The following SH3RF3 variants were observed in gnomAD, a reference collection of about 807,000 sequenced individuals.
SH3RF3 encodes the protein E3 ubiquitin-protein ligase SH3RF3.
A neutral mutation model predicts 66.3 loss-of-function variants in SH3RF3; 29 were observed. That is an observed-to-expected ratio of 0.44 (90% CI 0.33 to 0.60). The LOEUF (loss-of-function observed/expected upper bound fraction) is 0.60, where lower values mean the gene tolerates loss of function less well. Among genes scored for constraint, SH3RF3 ranks in the 20% least tolerant of loss-of-function variants. The probability of loss-of-function intolerance (pLI) is 0.04; values close to 1 mark genes in which losing one functional copy is unlikely to be tolerated. For missense variants in SH3RF3, 1,194 were observed against 1,190.9 expected, an observed-to-expected ratio of 1.00 and a Z score of -0.04; for synonymous variants, 583 against 532.0, an observed-to-expected ratio of 1.10 and a Z score of -1.32.
At chr2:109,497,597 G>A (rs1347119174) in intron 9 of SH3RF3, among the ~76,000 whole-genome samples, 1 of 152,190 alleles carries the variant, frequency 6.6e-6, no homozygotes, top group Non-Finnish European at 1.5e-5. Flanking sequence ...GTCATCCTCA[G>A]CTGCTGACAC....
chr2:109,337,075 G>A (rs779317273), intron 1 of SH3RF3, among the ~76,000 whole-genome samples: 5 of 152,218 alleles, frequency 3.3e-5, no homozygotes, highest in Admixed American at 6.5e-5. Flanking sequence ...ACCGTATTTA[G>A]TATCCTAAAT....
At chr2:109,431,812 A>C (rs1421483904) in intron 5 of SH3RF3, among the ~76,000 whole-genome samples, 1 of 152,148 alleles carries the variant, frequency 6.6e-6, no homozygotes, top group African/African-American at 2.4e-5. Flanking sequence ...TTGAGGCTGC[A>C]GTGAGCTATG....
At chr2:109,456,222 G>A (rs902334924) in intron 8 of SH3RF3, among the ~76,000 whole-genome samples, 8 of 152,194 alleles carry the variant, frequency 5.3e-5, no homozygotes, top group African/African-American at 1.2e-4. Flanking sequence ...TGGCACTGGC[G>A]TTGGCTGGGC....
chr2:109,477,972 C>A (rs1396218786), intron 8 of SH3RF3, among the ~76,000 whole-genome samples: 1 of 152,196 alleles, frequency 6.6e-6, no homozygotes, highest in African/African-American at 2.4e-5. Context: ...AGGGTTCCCG[C>A]AAGGGCCTCC....
intron 1 of SH3RF3, among the ~76,000 whole-genome samples, chr2:109,295,482 G>T (rs1345153674): frequency 6.6e-6 from 1 of 152,232 alleles, no homozygotes; most frequent in South Asian, 2.1e-4. Flanking sequence ...GGTGAGGCTG[G>T]GAAAGGAAGC....
intron 1 of SH3RF3, among the ~76,000 whole-genome samples, chr2:109,293,993 G>C (rs2105373870): frequency 6.6e-6 from 1 of 152,300 alleles, no homozygotes; most frequent in Non-Finnish European, 1.5e-5. Flanking sequence ...AGGGGGCAGT[G>C]CTTGGCCGAG....
chr2:109,501,992 C>T lies in SH3RF3; in HGVS notation c.*321C>T, dbSNP rs1380757794. ...TGGCTGTGGTTTGCAGCCATGGCAG[C>T]GTTCTCATTTACCACCTAAGCAGGG... is the stretch of plus-strand genomic sequence containing the variant. On this transcript the variant is annotated 3_prime_UTR_variant, in exon 10 of 10. Transcript: ENST00000309415. 4 of 289,530 alleles carry T rather than the reference C, an allele frequency of 1.4e-5. No homozygotes were observed. The highest frequency in any genetic ancestry group is 2.1e-5 in the African/African-American group (1 of 47,584). The allele number at this position is 289,530 out of a possible 1,614,324, so 17.9% of individuals were successfully genotyped here. A position where few individuals can be genotyped will look rare whatever the true frequency, so the allele number is the denominator to read the frequency against.
intron 3 of SH3RF3, among the ~76,000 whole-genome samples, chr2:109,383,255 A>C (rs1173189985): frequency 6.6e-6 from 1 of 152,242 alleles, no homozygotes; most frequent in African/African-American, 2.4e-5. Context: ...TTGGTACAGA[A>C]GAAACCATGT....
intron 1 of SH3RF3, among the ~76,000 whole-genome samples, chr2:109,280,080 A>G (rs1680847520): frequency 6.6e-6 from 1 of 152,160 alleles, no homozygotes. Context: ...TTTCGATCCC[A>G]GAGACAACAG....
At chr2:109,329,417 A>G (rs948273985) in intron 1 of SH3RF3, among the ~76,000 whole-genome samples, 4 of 152,258 alleles carry the variant, frequency 2.6e-5, no homozygotes, top group Non-Finnish European at 5.9e-5. Context: ...TTATTCACCA[A>G]GACTTTTTCA....
intron 1 of SH3RF3, among the ~76,000 whole-genome samples, chr2:109,232,792 T>G (rs1296513781): frequency 6.6e-6 from 1 of 152,216 alleles, no homozygotes. Context: ...TAAACACAGC[T>G]GAGACTTCCA....
At chr2:109,353,659 C>T (rs1050876277) in intron 2 of SH3RF3, among the ~76,000 whole-genome samples, 1 of 152,232 alleles carries the variant, frequency 6.6e-6, no homozygotes, top group Non-Finnish European at 1.5e-5. Flanking sequence ...CATTCCTTCA[C>T]TCTTCAGATG....
intron 1 of SH3RF3, among the ~76,000 whole-genome samples, chr2:109,134,747 G>A (rs545452228): frequency 1.3e-5 from 2 of 152,294 alleles, no homozygotes; most frequent in Non-Finnish European, 2.9e-5. Context: ...CTCGTTGGTA[G>A]CACGATTCTA....
At chr2:109,269,795 A>G (rs1442389030) in intron 1 of SH3RF3, among the ~76,000 whole-genome samples, 1 of 152,172 alleles carries the variant, frequency 6.6e-6, no homozygotes, top group Non-Finnish European at 1.5e-5. Flanking sequence ...AACTGAAGAT[A>G]GTTACCAAGA....
chr2:109,421,791 C>T (rs898392505), intron 5 of SH3RF3, among the ~76,000 whole-genome samples: 5 of 152,298 alleles, frequency 3.3e-5, no homozygotes, highest in South Asian at 4.1e-4. Context: ...CACAGTGGCC[C>T]TCCATGCAGG....
chr2:109,345,721 T>C (rs1204107330), intron 1 of SH3RF3, among the ~76,000 whole-genome samples: 1 of 152,230 alleles, frequency 6.6e-6, no homozygotes, highest in African/African-American at 2.4e-5. Context: ...TTTAAAGTAT[T>C]CGTAGACTAA....
At chr2:109,279,814 G>A (rs1000305571) in intron 1 of SH3RF3, among the ~76,000 whole-genome samples, 22 of 152,190 alleles carry the variant, frequency 1.4e-4, no homozygotes, top group Admixed American at 2.0e-4. Flanking sequence ...GGTCCGGGAG[G>A]ATCTATCAGG....
rs776470715 is a variant in SH3RF3 at position 109,419,613 on chromosome 2, G to A, written c.1374G>A (p.Thr458=). The change falls in exon 5 of 10, where the codon ACG becomes ACA. Residue 458 remains threonine, a synonymous_variant. Coordinates refer to ENST00000309415, the MANE Select transcript of SH3RF3 (RefSeq NM_001099289.3). The part of the protein sequence containing the change: ...RAASVSGEQG[T]PPKVQLPLNV... ...CCTCGGTGTCTGGAGAGCAGGGCAC[G>A]CCTCCCAAGGTCCAGCTGCCCCTCA... is the stretch of plus-strand genomic sequence containing the variant. 10 of 1,589,786 alleles carry A rather than the reference G, an allele frequency of 6.3e-6. No homozygotes were observed. In the Admixed American group the frequency reaches 7.1e-5, roughly 11 times the overall value.
At chr2:109,343,556 G>T in intron 1 of SH3RF3, among the ~76,000 whole-genome samples, 1 of 152,086 alleles carries the variant, frequency 6.6e-6, no homozygotes, top group East Asian at 1.9e-4. Context: ...CAGCCAGCAA[G>T]GCAAACAGGC....
Sources: gnomAD v4.1 joint callset for allele counts (sites outside exome capture counted in the v4.1 genomes callset) on GRCh38, gnomAD v4.1.1 for gene constraint, MANE v1.5 for transcripts, NCBI Gene and HGNC (gene_info 2026-07-23, HGNC 2026-07-21) for gene names.